Variants in CCSER1 observed in about 807,000 individuals in gnomAD.
CCSER1 encodes the protein serine-rich coiled-coil domain-containing protein 1.
A neutral mutation model predicts 82.0 loss-of-function variants in CCSER1; 41 were observed. That is an observed-to-expected ratio of 0.50 (90% CI 0.39 to 0.65). The LOEUF (loss-of-function observed/expected upper bound fraction) is 0.65, where lower values mean the gene tolerates loss of function less well. Ranked by LOEUF, CCSER1 falls within the 30% of genes least tolerant of loss-of-function variation. The probability of loss-of-function intolerance (pLI) is 0.00; values close to 1 mark genes in which losing one functional copy is unlikely to be tolerated. For synonymous variants in CCSER1, 414 were observed against 383.9 expected, an observed-to-expected ratio of 1.08 and a Z score of -0.92; for missense variants, 1,119 against 1,064.2, an observed-to-expected ratio of 1.05 and a Z score of -0.72.
At chr4:90,298,392 T>G (rs972798054) in intron 1 of CCSER1, among the ~76,000 whole-genome samples, 1 of 151,976 alleles carries the variant, frequency 6.6e-6, no homozygotes, top group African/African-American at 2.4e-5. Context: ...CTTTTCTTCT[T>G]TATTAGTCTT....
intron 7 of CCSER1, among the ~76,000 whole-genome samples, chr4:90,796,653 T>G (rs182504548): frequency 2.2e-3 from 329 of 152,246 alleles, no homozygotes; most frequent in Non-Finnish European, 3.2e-3. Flanking sequence ...CACCACCTTA[T>G]CTGTGTCCCA....
In CCSER1 at chr4:91,328,878, C is replaced by T. The variant is rs994688332; in HGVS notation, c.2217+242884C>T. On this transcript the variant is annotated intron_variant, in intron 10 of 10. Coordinates refer to ENST00000509176, the MANE Select transcript of CCSER1 (RefSeq NM_001145065.2). ...GTTGAATCATGGTAGCAGTTTCCCCCCTACTGTTCTCATGGTAGTGAATAG... is the reference window on the plus strand; with the variant it reads ...GTTGAATCATGGTAGCAGTTTCCCCTCTACTGTTCTCATGGTAGTGAATAG... Among the ~76,000 whole-genome samples the T allele has an allele frequency of 2.2e-4, 33 of 152,224 alleles. 2 individuals carry two copies. In the East Asian group the frequency reaches 5.4e-3, roughly 25 times the overall value.
chr4:90,838,640 A>G (rs1368624396), intron 8 of CCSER1, among the ~76,000 whole-genome samples: 1 of 151,780 alleles, frequency 6.6e-6, no homozygotes, highest in African/African-American at 2.4e-5. Context: ...TCTAGATTTC[A>G]CTGTTGTCCC....
chr4:90,420,148 A>G, intron 4 of CCSER1, among the ~76,000 whole-genome samples: 1 of 151,990 alleles, frequency 6.6e-6, no homozygotes, highest in African/African-American at 2.4e-5. Context: ...TCAAAATTTA[A>G]TATTTTTTAT....
At position 90,947,701 on chromosome 4, in the gene CCSER1, T is replaced by G. The variant is rs56794287; in HGVS notation, c.2172+24254T>G. Among the ~76,000 whole-genome samples, 750 of 152,244 alleles carry G rather than the reference T, an allele frequency of 4.9e-3. 5 individuals are homozygous for G. Among genetic ancestry groups the G allele is most frequent in the African/African-American group, 0.018 (731 of 41,570 alleles). ...ATGACAGTGTTATTTCAACAACACT[T>G]TTTAGTCATTTATCTCCTTACAACC... On this transcript the variant is annotated intron_variant, in intron 9 of 10. Transcript: ENST00000509176.
At chr4:90,496,971 CAAAAAAAAAAA>C (rs771281710) in intron 5 of CCSER1, among the ~76,000 whole-genome samples, 1 of 55,226 alleles carries the variant, frequency 1.8e-5, no homozygotes, top group African/African-American at 5.6e-5. Context: ...AGCGAGACTA[CAAAAAAAAAAA>C]AAAAAAAAAA....
At chr4:91,430,068 G>A (rs1754205055) in intron 10 of CCSER1, among the ~76,000 whole-genome samples, 1 of 151,740 alleles carries the variant, frequency 6.6e-6, no homozygotes, top group Non-Finnish European at 1.5e-5. Context: ...ATCTTATGTT[G>A]GAAAATAATT....
chr4:90,385,365 T>C (rs1247509909), intron 3 of CCSER1, among the ~76,000 whole-genome samples: 1 of 142,776 alleles, frequency 7.0e-6, no homozygotes, highest in African/African-American at 2.5e-5. Context: ...TAAGTGTTCC[T>C]TTTTTTTTTT....
At chr4:90,348,933 A>G (rs1742918503) in intron 3 of CCSER1, among the ~76,000 whole-genome samples, 1 of 152,142 alleles carries the variant, frequency 6.6e-6, no homozygotes, top group Non-Finnish European at 1.5e-5. Flanking sequence ...CTGAGTTTAT[A>G]GAAGGTAGAA....
chr4:91,216,639 T>A (rs1737267540), intron 10 of CCSER1, among the ~76,000 whole-genome samples: 1 of 152,056 alleles, frequency 6.6e-6, no homozygotes, highest in Non-Finnish European at 1.5e-5. Context: ...TTATTGTTAT[T>A]TTTTTATGTT....
intron 5 of CCSER1, among the ~76,000 whole-genome samples, chr4:90,469,572 C>T (rs1012819450): frequency 8.2e-5 from 12 of 146,628 alleles, no homozygotes; most frequent in Non-Finnish European, 1.7e-4. Flanking sequence ...CACACATTTC[C>T]TTATCTTTTA....
chr4:90,933,193 TA>T lies in CCSER1; in HGVS notation c.2172+9747del, dbSNP rs1350997038. 2.9e-4 allele frequency among the ~76,000 whole-genome samples: 26 copies of T among 88,136 alleles called. 1 individual carries two copies. Among genetic ancestry groups the T allele is most frequent in the Non-Finnish European group, 4.5e-4 (21 of 46,510 alleles). The allele number at this position is 88,136 out of a possible 152,430, so 57.8% of individuals were successfully genotyped here. On this transcript the variant is annotated intron_variant, in intron 9 of 10. Coordinates refer to ENST00000509176, the MANE Select transcript of CCSER1 (RefSeq NM_001145065.2). ...TGTGTGTGTGTGTGTGATTTTATTT[TA>T]TTTTTTTTTTTGAGACGGAGTCTCG...
At chr4:91,374,326 C>T (rs1750249852) in intron 10 of CCSER1, among the ~76,000 whole-genome samples, 1 of 152,142 alleles carries the variant, frequency 6.6e-6, no homozygotes, top group Non-Finnish European at 1.5e-5. Context: ...CGGAATGACT[C>T]CTGTTAGAGG....
intron 4 of CCSER1, among the ~76,000 whole-genome samples, chr4:90,458,796 T>C (rs1762509471): frequency 6.6e-6 from 1 of 152,248 alleles, no homozygotes; most frequent in Admixed American, 6.5e-5. Flanking sequence ...TGTGGAATTT[T>C]TGTCAGTGAT....
chr4:90,809,617 C>T (rs571226440), intron 7 of CCSER1, among the ~76,000 whole-genome samples: 9 of 152,108 alleles, frequency 5.9e-5, no homozygotes, highest in African/African-American at 2.2e-4. Context: ...CACTAAAATC[C>T]TAGACTTCAC....
chr4:90,278,702 G>A (rs1042598253), intron 1 of CCSER1, among the ~76,000 whole-genome samples: 5 of 151,914 alleles, frequency 3.3e-5, no homozygotes, highest in Non-Finnish European at 1.5e-5. Flanking sequence ...GGGGGCAAGG[G>A]CTGAAAAGTT....
chr4:91,395,941 T>G (rs1429673689), intron 10 of CCSER1, among the ~76,000 whole-genome samples: 1 of 152,090 alleles, frequency 6.6e-6, no homozygotes, highest in East Asian at 1.9e-4. Flanking sequence ...GTCAGTTACT[T>G]TTGCACAGAA....
intron 10 of CCSER1, among the ~76,000 whole-genome samples, chr4:91,106,074 T>C (rs1725583298): frequency 6.6e-6 from 1 of 152,216 alleles, no homozygotes; most frequent in Admixed American, 6.5e-5. Flanking sequence ...AGATAAGGAA[T>C]TGTAGGACTG....
At chr4:90,945,383 T>C (rs1427097758) in intron 9 of CCSER1, among the ~76,000 whole-genome samples, 1 of 152,210 alleles carries the variant, frequency 6.6e-6, no homozygotes, top group East Asian at 1.9e-4. Context: ...ATTATGTCTT[T>C]CTTTCAGTTA....
Sources: gnomAD v4.1 joint callset for allele counts (sites outside exome capture counted in the v4.1 genomes callset) on GRCh38, gnomAD v4.1.1 for gene constraint, MANE v1.5 for transcripts, NCBI Gene and HGNC (gene_info 2026-07-23, HGNC 2026-07-21) for gene names.